NFS1: variants seen among roughly 807,000 people sequenced by gnomAD.
NFS1 encodes the protein cysteine desulfurase.
Under a neutral mutation model 57.3 loss-of-function variants are expected in NFS1, and 26 were observed. That is an observed-to-expected ratio of 0.45 (90% CI 0.33 to 0.63). The LOEUF (loss-of-function observed/expected upper bound fraction) is 0.63. NFS1 is among the 20% of genes least tolerant of loss of function. The pLI is 0.02. For missense variants in NFS1, 505 were observed against 605.8 expected (o/e 0.83, Z 1.75); for synonymous variants, 209 against 216.3 (o/e 0.97, Z 0.30).
intron 7 of NFS1, chr20:35,675,528 G>A: frequency 6.5e-6 from 2 of 308,056 alleles, no homozygotes; most frequent in Non-Finnish European, 1.2e-5. Context: ...CATCATCAGG[G>A]TAATGGTCAA....
chr20:35,671,303 G>T (rs1390857888), intron 12 of NFS1, among the ~76,000 whole-genome samples: 1 of 152,118 alleles, frequency 6.6e-6, no homozygotes, highest in African/African-American at 2.4e-5. Context: ...GGGTTTCATT[G>T]TGTTAGCCAG....
rs555622394 is a variant in NFS1 at position 35,677,942 on chromosome 20, C to T, written c.791-2740G>A. ...AATTAGCCAGGCATTGGGCCGGGCA[C>T]GGGATTACGCCTGTAATTCCGGCAC... On this transcript the variant is annotated intron_variant, in intron 7 of 12. Coordinates refer to ENST00000374092, the MANE Select transcript of NFS1 (RefSeq NM_021100.5). 1.4e-3 allele frequency among the ~76,000 whole-genome samples: 215 copies of T among 152,172 alleles called. 1 individual carries two copies. The highest frequency in any genetic ancestry group is 2.0e-3 in the Non-Finnish European group (134 of 68,016).
At chr20:35,674,231 G>T in intron 10 of NFS1, 119 bp downstream of exon 10, 1 of 836,524 alleles carries the variant, frequency 1.2e-6, no homozygotes, top group Non-Finnish European at 2.0e-6. Context: ...CTTACAAAAT[G>T]ACCTTTACCC....
intron 7 of NFS1, 83 bp downstream of exon 7, chr20:35,680,654 T>C (rs2034832124): frequency 1.6e-6 from 2 of 1,217,412 alleles, no homozygotes; most frequent in East Asian, 5.6e-5. Flanking sequence ...AGAGCAACAG[T>C]AGTCCCAAAT....
chr20:35,669,829 G>C, intron 12 of NFS1, 144 bp from the exon 13 acceptor site: 1 of 714,610 alleles, frequency 1.4e-6, no homozygotes, highest in Non-Finnish European at 2.5e-6. Context: ...AACACAGGTG[G>C]TTAAGGTATC....
chr20:35,688,178 G>A (rs1422321666), intron 5 of NFS1, among the ~76,000 whole-genome samples: 1 of 152,110 alleles, frequency 6.6e-6, no homozygotes, highest in Admixed American at 6.5e-5. Flanking sequence ...GAACCCGGGA[G>A]GCAGAGGTTG....
intron 6 of NFS1, 40 bp from the exon 7 acceptor site, chr20:35,680,911 A>G (rs777150802): frequency 7.0e-7 from 1 of 1,431,080 alleles, no homozygotes. Context: ...ACAATGTTGG[A>G]AAGTCATCTG....
intron 4 of NFS1, among the ~76,000 whole-genome samples, chr20:35,695,205 A>G (rs559591196): frequency 6.6e-6 from 1 of 152,296 alleles, no homozygotes; most frequent in East Asian, 1.9e-4. Context: ...CCTTTGGAGG[A>G]ACCTTCACCC....
chr20:35,674,827 T>C, intron 8 of NFS1: 1 of 693,506 alleles, frequency 1.4e-6, no homozygotes, highest in South Asian at 1.9e-5. Flanking sequence ...TTCATTTACT[T>C]ATCCAGAAAT....
intron 12 of NFS1, among the ~76,000 whole-genome samples, chr20:35,671,557 T>A (rs1194142876): frequency 2.7e-5 from 4 of 145,978 alleles, no homozygotes; most frequent in African/African-American, 1.0e-4. Context: ...GGTGACAGAA[T>A]GAGACACTTT....
chr20:35,689,267 C>T (rs2034998643), intron 5 of NFS1, among the ~76,000 whole-genome samples: 1 of 152,156 alleles, frequency 6.6e-6, no homozygotes. Flanking sequence ...ATGGGTGGAT[C>T]ACCTGAGGTC....
chr20:35,669,823 C>G (rs2034624503), intron 12 of NFS1, 138 bp from the exon 13 acceptor site: 1 of 751,434 alleles, frequency 1.3e-6, no homozygotes, highest in Admixed American at 2.2e-5. Flanking sequence ...GACCCTAACA[C>G]AGGTGGTTAA....
chr20:35,697,660 C>T (rs759623801), intron 3 of NFS1, 24 bp downstream of exon 3: 12 of 1,533,646 alleles, frequency 7.8e-6, no homozygotes, highest in African/African-American at 1.4e-5. Flanking sequence ...GACCTTAGAA[C>T]CTCCTAGACT....
At chr20:35,676,369 T>C (rs2034744007) in intron 7 of NFS1, among the ~76,000 whole-genome samples, 2 of 151,756 alleles carry the variant, frequency 1.3e-5, no homozygotes, top group Admixed American at 1.3e-4. Context: ...GGACAGATCA[T>C]GAAATCAGGA....
chr20:35,672,638 C>T, intron 12 of NFS1, 117 bp downstream of exon 12: 2 of 717,030 alleles, frequency 2.8e-6, no homozygotes. Flanking sequence ...ATCTCTAAAT[C>T]CTAAGATCCA....
chr20:35,698,871 G>A, intron 1 of NFS1: 1 of 1,344,686 alleles, frequency 7.4e-7, no homozygotes. Context: ...AAGGAACGTG[G>A]AGCCAGAGTA....
intron 7 of NFS1, 102 bp downstream of exon 7, chr20:35,680,635 C>T (rs1053817802): frequency 9.4e-7 from 1 of 1,068,156 alleles, no homozygotes; most frequent in African/African-American, 1.6e-5. Flanking sequence ...GAATGTACAA[C>T]TTCCTCTGAG....
Position 35,698,553 on chromosome 20 carries a change from A to G in NFS1, c.135T>C (p.Asp45=). The G allele has an allele frequency of 6.2e-7, 1 of 1,613,758 alleles. No individual in the cohort carries two copies. The highest frequency in any genetic ancestry group is 8.5e-7 in the Non-Finnish European group (1 of 1,179,878). The part of the protein sequence containing the change: ...DRAPQSAVPA[D]TAAAPEVGPV... ...GCCCCACCTCCGGGGCAGCGGCTGT[A>G]TCTGCGGGAACCGCAGACTGAGGAG... Residue 45 remains aspartate (D), a synonymous_variant, in exon 2 of 13, where the codon GAT becomes GAC. Transcript: ENST00000374092.
chr20:35,680,246 A>G (rs2034825635), intron 7 of NFS1, among the ~76,000 whole-genome samples: 2 of 152,150 alleles, frequency 1.3e-5, no homozygotes, highest in Non-Finnish European at 2.9e-5. Context: ...TGGAGCTTGC[A>G]GTGAACCGAG....
Sources: gnomAD v4.1 joint callset for allele counts (sites outside exome capture counted in the v4.1 genomes callset) on GRCh38, gnomAD v4.1.1 for gene constraint, MANE v1.5 for transcripts, NCBI Gene and HGNC (gene_info 2026-07-23, HGNC 2026-07-21) for gene names.